DCTN4: variants seen among roughly 807,000 people sequenced by gnomAD.
DCTN4 encodes dynactin subunit 4.
DCTN4 carries 23 observed loss-of-function variants against 62.7 expected under a neutral mutation model. The ratio of observed to expected loss-of-function variants is 0.37; its 90% CI spans 0.26 to 0.52. The LOEUF is 0.52. DCTN4 is among the 20% of genes least tolerant of loss of function. DCTN4 has a pLI of 0.92. For missense variants in DCTN4, 514 were observed against 580.4 expected (o/e 0.89, Z 1.18); for synonymous variants, 199 against 202.1 (o/e 0.98, Z 0.13).
intron 3 of DCTN4, among the ~76,000 whole-genome samples, chr5:150,752,922 A>G (rs1020954271): frequency 6.6e-6 from 1 of 151,322 alleles, no homozygotes; most frequent in Non-Finnish European, 1.5e-5. Context: ...GCTGGAGTGC[A>G]GAGGCCCGAT....
Position 150,747,640 on chromosome 5 carries a change from T to C in DCTN4, c.386-5483A>G, listed in dbSNP as rs1045725134. 1.5e-3 allele frequency among the ~76,000 whole-genome samples: 235 copies of C among 151,812 alleles called. 1 individual carries two copies. Among genetic ancestry groups the C allele is most frequent in the African/African-American group, 5.4e-3 (222 of 41,268 alleles). On this transcript the variant is annotated intron_variant, in intron 3 of 12. Transcript: ENST00000447998. ...GAGCCCTCAGAAATAATGCCGCATA[T>C]CTACAACTATCTGATCTTTGACGAA...
At chr5:150,752,916 G>C (rs930106882) in intron 3 of DCTN4, among the ~76,000 whole-genome samples, 4 of 151,686 alleles carry the variant, frequency 2.6e-5, no homozygotes, top group African/African-American at 9.7e-5. Context: ...ACCCAGGCTG[G>C]AGTGCAGAGG....
intron 1 of DCTN4, chr5:150,757,960 A>T (rs551566906): frequency 1.1e-4 from 70 of 630,300 alleles, no homozygotes; most frequent in Middle Eastern, 1.6e-3. Flanking sequence ...TGTAAAAAAA[A>T]TTTTTTAAAA....
At chr5:150,750,889 T>C (rs963484631) in intron 3 of DCTN4, among the ~76,000 whole-genome samples, 4 of 152,166 alleles carry the variant, frequency 2.6e-5, no homozygotes, top group African/African-American at 7.2e-5. Context: ...ATATACATAT[T>C]TCATATAAAA....
rs1019315376 is a variant in DCTN4, at chr5:150,757,625, G to A, written c.136-1138C>T. ...GGAGCTGGAATAGGGAATCATCAAG[G>A]AGATACACATAAGGAAAGTGCTAAT... On this transcript the variant is annotated intron_variant, in intron 1 of 12. Coordinates refer to ENST00000447998, the MANE Select transcript of DCTN4 (RefSeq NM_016221.4). Among the ~76,000 whole-genome samples, 6 of 152,220 alleles carry A rather than the reference G, an allele frequency of 3.9e-5. No homozygotes were observed. The South Asian group carries it at 1.2e-3, about 32-fold the overall frequency.
intron 10 of DCTN4, among the ~76,000 whole-genome samples, chr5:150,719,353 T>C (rs1412957382): frequency 6.6e-6 from 1 of 152,178 alleles, no homozygotes; most frequent in Non-Finnish European, 1.5e-5. Flanking sequence ...AGAAGGGCTG[T>C]GGTATATAAA....
intron 4 of DCTN4, among the ~76,000 whole-genome samples, chr5:150,739,758 A>G (rs1349897657): frequency 6.6e-6 from 1 of 152,166 alleles, no homozygotes; most frequent in African/African-American, 2.4e-5. Flanking sequence ...AGAATAGAGA[A>G]CCCAGAAATA....
Position 150,718,318 on chromosome 5 carries a change from C to T in DCTN4, c.1029G>A (p.Glu343=). Residue 343 remains glutamate (E), a synonymous_variant, in exon 11 of 13, where the codon GAG becomes GAA. Transcript: ENST00000447998. ...VENLTHVTLF[E]CEEGDPDDIN... is the part of the protein sequence containing the mutation. Reference sequence around the variant, plus strand: ...TATCATCAGGGTCCCCCTCCTCACACTCGAAGAGAGTCACATGGGTGAGGT... The same window carrying T: ...TATCATCAGGGTCCCCCTCCTCACATTCGAAGAGAGTCACATGGGTGAGGT... The T allele has an allele frequency of 1.2e-6, 2 of 1,614,172 alleles. No individual in the cohort carries two copies. The highest frequency in any genetic ancestry group is 1.7e-6 in the Non-Finnish European group (2 of 1,180,008).
chr5:150,745,175 G>A (rs370885159), intron 3 of DCTN4, among the ~76,000 whole-genome samples: 71 of 150,432 alleles, frequency 4.7e-4, no homozygotes, highest in Non-Finnish European at 5.7e-4. Flanking sequence ...AAACCAACAA[G>A]GATCAAAAGA....
intron 4 of DCTN4, among the ~76,000 whole-genome samples, chr5:150,737,622 T>G (rs1160865625): frequency 2.6e-5 from 4 of 152,162 alleles, no homozygotes; most frequent in African/African-American, 9.7e-5. Context: ...GCAAAAGCAG[T>G]GCTAAGAAGA....
chr5:150,711,632 A>T (rs1474759762), intron 12 of DCTN4, among the ~76,000 whole-genome samples: 1 of 152,010 alleles, frequency 6.6e-6, no homozygotes. Flanking sequence ...CAGCCTCCCG[A>T]GTAGCTGGGA....
chr5:150,718,275 C>T lies in DCTN4; in HGVS notation c.1071+1G>A. On this transcript the variant is annotated splice_donor_variant, in intron 11 of 12. Transcript: ENST00000447998. LOFTEE classifies it high-confidence loss of function. ...GTCAGGCTGAGGCAAAATGCTCCTA[C>T]CTTAGCAGTGCTGTTGATATCATCA... The T allele has an allele frequency of 6.2e-7, 1 of 1,610,594 alleles. No individual in the cohort carries two copies. The highest frequency in any genetic ancestry group is 8.5e-7 in the Non-Finnish European group (1 of 1,177,488).
At chr5:150,717,020 AAAG>A (rs1437982650) in intron 11 of DCTN4, among the ~76,000 whole-genome samples, 3 of 152,178 alleles carry the variant, frequency 2.0e-5, no homozygotes, top group African/African-American at 7.2e-5. Context: ...AGAAAAAAAA[AAAG>A]AGGACAGAAA....
chr5:150,727,843 T>TA (rs1222165442), intron 8 of DCTN4, among the ~76,000 whole-genome samples: 1 of 149,658 alleles, frequency 6.7e-6, no homozygotes, highest in Non-Finnish European at 1.5e-5. Flanking sequence ...TAATTGGAGA[T>TA]AGTTTTCTCA....
At chr5:150,730,984 A>C (rs1760340340) in intron 7 of DCTN4, 60 bp downstream of exon 7, 1 of 1,084,528 alleles carries the variant, frequency 9.2e-7, no homozygotes, top group African/African-American at 1.6e-5. Flanking sequence ...TAGGTACATA[A>C]ATAACAAAAA....
intron 1 of DCTN4, among the ~76,000 whole-genome samples, 159 bp from the exon 2 acceptor site, chr5:150,756,646 T>TC (rs1014348246): frequency 9.2e-5 from 14 of 151,582 alleles, no homozygotes; most frequent in African/African-American, 1.2e-4. Flanking sequence ...CCTGTTTTTT[T>TC]TTTTTCTTCT....
At chr5:150,747,177 C>T (rs922790450) in intron 3 of DCTN4, among the ~76,000 whole-genome samples, 5 of 152,138 alleles carry the variant, frequency 3.3e-5, no homozygotes, top group Non-Finnish European at 7.4e-5. Context: ...CATGAGTGAA[C>T]TCCCATTCAC....
chr5:150,726,345 T>A (rs1385111124), intron 8 of DCTN4, among the ~76,000 whole-genome samples: 1 of 152,162 alleles, frequency 6.6e-6, no homozygotes, highest in Admixed American at 6.5e-5. Context: ...GAGACATGCA[T>A]TGCTCTGCTG....
At chr5:150,718,240 G>C (rs199541742) in intron 11 of DCTN4, 36 bp downstream of exon 11, 895 of 1,434,122 alleles carry the variant, frequency 6.2e-4, no homozygotes, top group Non-Finnish European at 7.3e-4. Context: ...TCCAGGGAAA[G>C]TGCGGGTCAG....
Sources: allele counts gnomAD v4.1 joint callset (sites outside exome capture counted in the v4.1 genomes callset), GRCh38; gene constraint gnomAD v4.1.1; transcripts MANE v1.5; gene names NCBI Gene and HGNC (gene_info 2026-07-23, HGNC 2026-07-21).